The following KCNH1 variants were observed in gnomAD, a reference collection of about 807,000 sequenced individuals.
KCNH1 encodes the protein voltage-gated delayed rectifier potassium channel KCNH1.
KCNH1 carries 27 observed loss-of-function variants against 69.2 expected under a neutral mutation model. The observed-to-expected ratio is 0.39, with a 90% confidence interval of 0.29 to 0.54. The LOEUF is 0.54. KCNH1 is among the 20% of genes least tolerant of loss of function. The probability of loss-of-function intolerance (pLI) is 0.68; values close to 1 mark genes in which losing one functional copy is unlikely to be tolerated. For missense variants in KCNH1, 798 were observed against 1,261.6 expected (o/e 0.63, Z 5.57); for synonymous variants, 456 against 487.7 (o/e 0.93, Z 0.86).
chr1:211,121,541 T>A (rs554190040), intron 1 of KCNH1, among the ~76,000 whole-genome samples: 83 of 152,196 alleles, frequency 5.5e-4, no homozygotes, highest in African/African-American at 2.0e-3. Flanking sequence ...AAGATGTAAC[T>A]CAAGACTTAA....
Position 210,922,383 on chromosome 1 carries a change from CAAAAAAAA to C in KCNH1, c.1033-2322_1033-2315del, listed in dbSNP as rs758026291. 7.1e-5 allele frequency among the ~76,000 whole-genome samples: 7 copies of C among 98,318 alleles called. No homozygotes were observed. The East Asian group carries it at 1.6e-3, about 23-fold the overall frequency. 64.5% of individuals were successfully genotyped at this position (98,318 alleles called of 152,430 possible). On this transcript the variant is annotated intron_variant, in intron 6 of 10. Coordinates refer to ENST00000271751, the MANE Select transcript of KCNH1 (RefSeq NM_172362.3). ...TGGGCAACAGAGCGAGACTCCGTCT[CAAAAAAAA>C]AAAAAAAAAAAAAAAAAAAAAAAAA...
intron 10 of KCNH1, among the ~76,000 whole-genome samples, chr1:210,712,541 C>G (rs1256321478): frequency 6.6e-6 from 1 of 152,196 alleles, no homozygotes; most frequent in African/African-American, 2.4e-5. Context: ...TTCTTTCCAG[C>G]ATGAAAAGCA....
At chr1:210,793,111 T>C (rs1684240828) in intron 9 of KCNH1, among the ~76,000 whole-genome samples, 1 of 152,194 alleles carries the variant, frequency 6.6e-6, no homozygotes, top group Admixed American at 6.5e-5. Context: ...AGAAACTAGA[T>C]TTGAGAAGCC....
chr1:210,937,083 C>T (rs934279806), intron 6 of KCNH1, among the ~76,000 whole-genome samples: 4 of 152,298 alleles, frequency 2.6e-5, no homozygotes, highest in Admixed American at 2.6e-4. Flanking sequence ...TGCCCTCCTG[C>T]CACATTTGCC....
intron 10 of KCNH1, among the ~76,000 whole-genome samples, chr1:210,747,458 G>T (rs1207388490): frequency 6.6e-6 from 1 of 152,174 alleles, no homozygotes; most frequent in African/African-American, 2.4e-5. Context: ...AAAGGGAAGG[G>T]TGCATAATAT....
At chr1:210,956,489 C>T (rs1440452567) in intron 6 of KCNH1, among the ~76,000 whole-genome samples, 1 of 147,908 alleles carries the variant, frequency 6.8e-6, no homozygotes, top group Non-Finnish European at 1.5e-5. Context: ...ACAAGCTCCT[C>T]TTTGTACCTC....
chr1:210,897,598 A>C lies in KCNH1; in HGVS notation c.1462+22042T>G, dbSNP rs527525282. On this transcript the variant is annotated intron_variant, in intron 7 of 10. Transcript: ENST00000271751. Reference sequence around the variant, plus strand: ...GACAAGAGCCCTACTGTGATTTTTAAATAAGACAGGATAATTTACTGAGAT... The same window carrying C: ...GACAAGAGCCCTACTGTGATTTTTACATAAGACAGGATAATTTACTGAGAT... Among the ~76,000 whole-genome samples, 46 of 152,344 alleles carry C rather than the reference A, an allele frequency of 3.0e-4. No individual in the cohort carries two copies. In the East Asian group the frequency reaches 3.7e-3, roughly 12 times the overall value.
At chr1:210,950,807 C>T (rs12138903) in intron 6 of KCNH1, among the ~76,000 whole-genome samples, 9,107 of 152,112 alleles carry the variant, frequency 0.06, 340 homozygotes, top group East Asian at 0.18. Context: ...CTTTAATCTT[C>T]GATTTAATAT....
chr1:211,058,728 T>C (rs1476207758), intron 5 of KCNH1, among the ~76,000 whole-genome samples: 3 of 152,050 alleles, frequency 2.0e-5, no homozygotes, highest in African/African-American at 4.8e-5. Context: ...GCAGAAGTCC[T>C]TACTTACCAA....
At chr1:210,873,870 T>A (rs922561053) in intron 7 of KCNH1, among the ~76,000 whole-genome samples, 2 of 151,768 alleles carry the variant, frequency 1.3e-5, no homozygotes, top group Non-Finnish European at 2.9e-5. Flanking sequence ...AGTGAAAAAA[T>A]AGATAAATAT....
chr1:210,785,539 C>A (rs1400654874), intron 9 of KCNH1, among the ~76,000 whole-genome samples: 2 of 152,106 alleles, frequency 1.3e-5, no homozygotes, highest in Non-Finnish European at 2.9e-5. Flanking sequence ...CACCTACCAC[C>A]ACATCTGGGT....
At chr1:210,722,668 G>A (rs1682499006) in intron 10 of KCNH1, among the ~76,000 whole-genome samples, 1 of 152,186 alleles carries the variant, frequency 6.6e-6, no homozygotes, top group African/African-American at 2.4e-5. Context: ...TAGGCTCCTG[G>A]GGATTTGATT....
chr1:210,983,715 A>G (rs1688763195), intron 6 of KCNH1, among the ~76,000 whole-genome samples: 2 of 152,176 alleles, frequency 1.3e-5, no homozygotes, highest in Admixed American at 1.3e-4. Flanking sequence ...TGATGTCTCC[A>G]GCTTTGTTCT....
rs532271297 is a variant in KCNH1 at position 210,855,457 on chromosome 1, G to A, written c.1463-51291C>T. Among the ~76,000 whole-genome samples the A allele has an allele frequency of 2.6e-5, 4 of 152,310 alleles. No individual in the cohort carries two copies. In the South Asian group the frequency reaches 8.3e-4, roughly 32 times the overall value. Reference sequence around the variant, plus strand: ...GTAGGCATTGTGGCCATGGCTACAGGGACCACCTGAGGAGAAGAGAGAAGT... The same window carrying A: ...GTAGGCATTGTGGCCATGGCTACAGAGACCACCTGAGGAGAAGAGAGAAGT... On this transcript the variant is annotated intron_variant, in intron 7 of 10. Transcript: ENST00000271751.
intron 5 of KCNH1, among the ~76,000 whole-genome samples, chr1:211,079,651 G>T (rs935090051): frequency 6.6e-6 from 1 of 152,300 alleles, no homozygotes; most frequent in African/African-American, 2.4e-5. Flanking sequence ...TGGGATGCAA[G>T]GCTGGTTCAA....
intron 7 of KCNH1, chr1:210,861,004 G>T (rs1409208405): frequency 8.5e-6 from 9 of 1,061,936 alleles, no homozygotes; most frequent in South Asian, 1.3e-5. Flanking sequence ...TTTTTCAAAG[G>T]TCAGCATTGG....
chr1:210,909,409 GTAGT>G (rs2102547073), intron 7 of KCNH1, among the ~76,000 whole-genome samples: 1 of 152,324 alleles, frequency 6.6e-6, no homozygotes, highest in East Asian at 1.9e-4. Context: ...CACACAAGGG[GTAGT>G]TAAAGAATGG....
intron 3 of KCNH1, among the ~76,000 whole-genome samples, chr1:211,101,316 T>TACACAC (rs112274416): frequency 6.6e-6 from 1 of 151,444 alleles, no homozygotes; most frequent in African/African-American, 2.4e-5. Flanking sequence ...AAAAAAACCA[T>TACACAC]ACACACACAC....
chr1:210,831,174 A>G (rs950120564), intron 7 of KCNH1, among the ~76,000 whole-genome samples: 2 of 152,210 alleles, frequency 1.3e-5, no homozygotes, highest in Non-Finnish European at 1.5e-5. Context: ...GGCTTATCCA[A>G]GGAAAATACT....
Sources: allele counts gnomAD v4.1 joint callset (sites outside exome capture counted in the v4.1 genomes callset), GRCh38; gene constraint gnomAD v4.1.1; transcripts MANE v1.5; gene names NCBI Gene and HGNC (gene_info 2026-07-23, HGNC 2026-07-21).